The following INPP5A variants were observed in gnomAD, a reference collection of about 807,000 sequenced individuals.
INPP5A encodes the protein inositol polyphosphate-5-phosphatase A.
A neutral mutation model predicts 65.2 loss-of-function variants in INPP5A; 14 were observed. That is an observed-to-expected ratio of 0.21 (90% CI 0.14 to 0.34). INPP5A has a LOEUF of 0.34. Among genes scored for constraint, INPP5A ranks in the 10% least tolerant of loss-of-function variants. INPP5A has a pLI of 1.00. For synonymous variants in INPP5A, 207 were observed against 208.3 expected (o/e 0.99, Z 0.05); for missense variants, 431 against 545.6 (o/e 0.79, Z 2.09).
rs181707730 is a variant in INPP5A at position 132,549,469 on chromosome 10, A to G, written c.75+11298A>G. On this transcript the variant is annotated intron_variant, in intron 1 of 15. Coordinates refer to ENST00000368594, the MANE Select transcript of INPP5A (RefSeq NM_005539.5). This position sits in a 1 kb window ranked among gnomAD's most constrained non-coding sequence, Gnocchi z 4.9. ...CTACTTCCAAATAATAATTCCCCAC[A>G]AGGATGGTTATCTTGCCGTGTTGGT... is the stretch of plus-strand genomic sequence containing the variant. 5.1e-3 allele frequency among the ~76,000 whole-genome samples: 775 copies of G among 152,314 alleles called. 7 individuals are homozygous for G. The highest frequency in any genetic ancestry group is 0.018 in the African/African-American group (736 of 41,548).
intron 9 of INPP5A, among the ~76,000 whole-genome samples, chr10:132,729,610 C>T (rs912086374): frequency 4.8e-4 from 73 of 152,208 alleles, no homozygotes; most frequent in Non-Finnish European, 2.5e-4. Flanking sequence ...ACCTGTACCC[C>T]GTCCTCCGTG....
At chr10:132,558,661 C>A (rs1590827743) in intron 1 of INPP5A, among the ~76,000 whole-genome samples, 1 of 152,216 alleles carries the variant, frequency 6.6e-6, no homozygotes, top group African/African-American at 2.4e-5. Context: ...CTGGGGGACG[C>A]TCCAGGTAGG....
At position 132,574,767 on chromosome 10, in the gene INPP5A, T is replaced by C. The variant is rs539157023; in HGVS notation, c.76-33148T>C. Among the ~76,000 whole-genome samples the C allele has an allele frequency of 4.5e-4, 69 of 151,660 alleles. 1 individual carries two copies. Among genetic ancestry groups the C allele is most frequent in the Non-Finnish European group, 8.4e-4 (57 of 67,868 alleles). ...GTGCAGTCGTGGGATCTTGGCTCACTGCAACCTCTGCCTCCTGGGTTCAAG... is the reference window on the plus strand; with the variant it reads ...GTGCAGTCGTGGGATCTTGGCTCACCGCAACCTCTGCCTCCTGGGTTCAAG... On this transcript the variant is annotated intron_variant, in intron 1 of 15. Transcript: ENST00000368594.
In INPP5A at chr10:132,663,514, C is replaced by T. The variant is rs2133420704; in HGVS notation, c.306+13009C>T. Among the ~76,000 whole-genome samples, 1 of 152,326 alleles carries T rather than the reference C, an allele frequency of 6.6e-6. No individual in the cohort carries two copies. The highest frequency in any genetic ancestry group is 1.9e-4 in the East Asian group (1 of 5,186). Reference sequence around the variant, plus strand: ...GGGATTACAGGTGCGAACCACTGTGCCCTGCCAAAAAGACATTTTTAAGGT... The same window carrying T: ...GGGATTACAGGTGCGAACCACTGTGTCCTGCCAAAAAGACATTTTTAAGGT... On this transcript the variant is annotated intron_variant, in intron 4 of 15. Transcript: ENST00000368594. The surrounding 1 kb of genome is among the most constrained non-coding windows in gnomAD (Gnocchi z 4.5).
rs1462669693 is a variant in INPP5A, at chr10:132,741,163, T to C, written c.733-8354T>C. ...CGGGAGGATTGCTTGAGCCCGGAGG[T>C]CGAGGCTGCAGTGAGCCAGCCATGA... On this transcript the variant is annotated intron_variant, in intron 9 of 15. Transcript: ENST00000368594. The surrounding 1 kb of genome is among the most constrained non-coding windows in gnomAD (Gnocchi z 4.4). Among the ~76,000 whole-genome samples the C allele has an allele frequency of 6.6e-6, 1 of 151,962 alleles. No homozygotes were observed. Among genetic ancestry groups the C allele is most frequent in the African/African-American group, 2.4e-5 (1 of 41,368 alleles).
At chr10:132,630,801 G>A (rs1161601355) in intron 2 of INPP5A, among the ~76,000 whole-genome samples, 4 of 151,474 alleles carry the variant, frequency 2.6e-5, no homozygotes, top group Admixed American at 1.3e-4. Flanking sequence ...GGGAGGCGGC[G>A]GGGGCGGCGG....
At chr10:132,748,083 T>C (rs1313436081) in intron 9 of INPP5A, among the ~76,000 whole-genome samples, 2 of 152,182 alleles carry the variant, frequency 1.3e-5, no homozygotes, top group African/African-American at 4.8e-5. Flanking sequence ...ACAAGCTGGA[T>C]TGAGGTATAA....
At chr10:132,780,746 T>C in intron 13 of INPP5A, 103 bp from the exon 14 acceptor site, 3 of 938,524 alleles carry the variant, frequency 3.2e-6, no homozygotes, top group South Asian at 1.3e-5. Context: ...GACATCCCCA[T>C]CTCTCTGCCC....
chr10:132,655,152 C>T (rs1352851210), intron 4 of INPP5A, among the ~76,000 whole-genome samples: 5 of 152,202 alleles, frequency 3.3e-5, no homozygotes, highest in Non-Finnish European at 7.3e-5. Context: ...GGAAAAGTGG[C>T]GAGAGCCAGG....
intron 4 of INPP5A, among the ~76,000 whole-genome samples, chr10:132,685,454 C>A (rs192815776): frequency 1.7e-3 from 255 of 152,368 alleles, no homozygotes; most frequent in Middle Eastern, 3.4e-3. Flanking sequence ...CGTCCCTTAG[C>A]GCGGGGTCTG....
chr10:132,698,387 C>T lies in INPP5A; in HGVS notation c.474+468C>T, dbSNP rs373731365. 2.6e-5 allele frequency among the ~76,000 whole-genome samples: 4 copies of T among 152,304 alleles called. No homozygotes were observed. Among genetic ancestry groups the T allele is most frequent in the South Asian group, 2.1e-4 (1 of 4,828 alleles). ...TGCCAGGCTGCGAGCAGCAGGGTCC[C>T]GGCAGTTATGCCTGCGTCACACGGA... On this transcript the variant is annotated intron_variant, in intron 6 of 15. Transcript: ENST00000368594. The surrounding 1 kb of genome is among the most constrained non-coding windows in gnomAD (Gnocchi z 5.5).
intron 2 of INPP5A, among the ~76,000 whole-genome samples, chr10:132,625,088 C>T (rs1369249347): frequency 7.6e-6 from 1 of 131,292 alleles, no homozygotes; most frequent in Non-Finnish European, 1.6e-5. Flanking sequence ...GCCTTGGAGG[C>T]CCCGCCCCTT....
intron 4 of INPP5A, among the ~76,000 whole-genome samples, chr10:132,666,172 T>G (rs1221339156): frequency 1.3e-5 from 1 of 75,030 alleles, no homozygotes; most frequent in Non-Finnish European, 3.2e-5. Flanking sequence ...ATGTCGTGAC[T>G]GTTATAATGC....
rs1199869179 is a variant in INPP5A, at chr10:132,550,985, T to A, written c.75+12814T>A. 6.6e-6 allele frequency among the ~76,000 whole-genome samples: 1 copy of A among 152,176 alleles called. No individual in the cohort carries two copies. The highest frequency in any genetic ancestry group is 1.9e-4 in the East Asian group (1 of 5,198). On this transcript the variant is annotated intron_variant, in intron 1 of 15. Coordinates refer to ENST00000368594, the MANE Select transcript of INPP5A (RefSeq NM_005539.5). The surrounding 1 kb of genome is among the most constrained non-coding windows in gnomAD (Gnocchi z 4.2). ...TGTGGTGGGGACTCTGCAGGCCACC[T>A]GGAAAGGGGTCCACCTGAAAGGGGC...
At chr10:132,764,209 A>G (rs1846788723) in intron 11 of INPP5A, among the ~76,000 whole-genome samples, 1 of 152,252 alleles carries the variant, frequency 6.6e-6, no homozygotes, top group East Asian at 1.9e-4. Context: ...CTGATTGCCC[A>G]TTTCAGGGAT....
intron 1 of INPP5A, among the ~76,000 whole-genome samples, chr10:132,604,462 C>A (rs2071819118): frequency 6.6e-6 from 1 of 152,206 alleles, no homozygotes; most frequent in African/African-American, 2.4e-5. Flanking sequence ...TGTTTTGTTG[C>A]CTCTGGAGCA....
intron 1 of INPP5A, among the ~76,000 whole-genome samples, chr10:132,597,889 T>C (rs2071727278): frequency 6.6e-6 from 1 of 150,558 alleles, no homozygotes; most frequent in Admixed American, 6.6e-5. Context: ...GTTCCGGGGC[T>C]GTGCTATGCG....
chr10:132,779,511 C>T (rs1179465216), intron 13 of INPP5A, among the ~76,000 whole-genome samples: 1 of 152,278 alleles, frequency 6.6e-6, no homozygotes, highest in South Asian at 2.1e-4. Flanking sequence ...CAGGGCTCCA[C>T]CAGCTCAGAG....
chr10:132,605,696 A>G (rs979821223), intron 1 of INPP5A, among the ~76,000 whole-genome samples: 1 of 151,546 alleles, frequency 6.6e-6, no homozygotes, highest in Non-Finnish European at 1.5e-5. Context: ...GCAGGGCCCC[A>G]TGGTCACCGT....
Sources: allele counts gnomAD v4.1 joint callset (sites outside exome capture counted in the v4.1 genomes callset), GRCh38; gene constraint gnomAD v4.1.1; non-coding constraint Gnocchi (gnomAD v3.1); transcripts MANE v1.5; gene names NCBI Gene and HGNC (gene_info 2026-07-23, HGNC 2026-07-21).